The following TPR variants were observed in gnomAD, a reference collection of about 807,000 sequenced individuals.
TPR encodes the protein nucleoprotein TPR.
In TPR, 51 loss-of-function variants were observed where a neutral mutation model predicts 316.1. The observed-to-expected ratio is 0.16, with a 90% confidence interval of 0.13 to 0.20. The LOEUF (loss-of-function observed/expected upper bound fraction) is 0.20, where lower values mean the gene tolerates loss of function less well. Ranked by LOEUF, TPR falls within the 10% of genes least tolerant of loss-of-function variation. TPR has a pLI of 1.00. For synonymous variants in TPR, 981 were observed against 914.7 expected, an observed-to-expected ratio of 1.07 and a Z score of -1.31; for missense variants, 2,272 against 2,754.8, an observed-to-expected ratio of 0.82 and a Z score of 3.92.
At chr1:186,320,191 A>G in intron 46 of TPR, 121 bp downstream of exon 46, 1 of 841,846 alleles carries the variant, frequency 1.2e-6, no homozygotes, top group South Asian at 2.4e-5. Context: ...AAAATAAATT[A>G]GCAAACAATA....
chr1:186,354,340 A>G (rs939817115), intron 17 of TPR, among the ~76,000 whole-genome samples: 2 of 152,206 alleles, frequency 1.3e-5, no homozygotes, highest in Admixed American at 6.5e-5. Flanking sequence ...TGCAATATTG[A>G]TAACACCAGA....
chr1:186,338,466 G>A (rs541889647), intron 30 of TPR, among the ~76,000 whole-genome samples: 6 of 152,254 alleles, frequency 3.9e-5, no homozygotes, highest in Admixed American at 3.3e-4. Flanking sequence ...GAAAAACAGA[G>A]CTACCAATGG....
chr1:186,367,754 A>G, intron 4 of TPR, 132 bp downstream of exon 4: 1 of 535,978 alleles, frequency 1.9e-6, no homozygotes, highest in Non-Finnish European at 3.3e-6. Flanking sequence ...GAGAAATAAT[A>G]GGATATGACA....
Position 186,355,484 on chromosome 1 carries a change from T to C in TPR, c.2097A>G (p.Lys699=). 6.2e-7 allele frequency: 1 copy of C among 1,612,784 alleles called. No individual in the cohort carries two copies. The part of the protein sequence containing the change: ...NEKIQNEQLE[K]LQEQVTDLRS... ...GCAAATCTGTAACTTGTTCTTGAAGTTTCTCAAGCTGCTCATTTTGTATTT... is the reference window on the plus strand; with the variant it reads ...GCAAATCTGTAACTTGTTCTTGAAGCTTCTCAAGCTGCTCATTTTGTATTT... Residue 699 remains lysine (K), a synonymous_variant, in exon 17 of 51, where the codon AAA becomes AAG. Transcript: ENST00000367478.
intron 45 of TPR, among the ~76,000 whole-genome samples, 171 bp downstream of exon 45, chr1:186,322,147 T>C (rs1657792800): frequency 6.6e-6 from 1 of 152,218 alleles, no homozygotes; most frequent in Non-Finnish European, 1.5e-5. Context: ...CATTCACCTC[T>C]GTATAATTTT....
Position 186,373,866 on chromosome 1 carries a change from T to C in TPR, c.152-403A>G, listed in dbSNP as rs1659606480. ...AAGACTTCTTTTATAGTAGTCAAGA[T>C]ATTACCTGAAAGCATAAAACTACTA... is the stretch of plus-strand genomic sequence containing the variant. On this transcript the variant is annotated intron_variant, in intron 1 of 50. Transcript: ENST00000367478. 2.0e-5 allele frequency among the ~76,000 whole-genome samples: 3 copies of C among 152,186 alleles called. No homozygotes were observed. In the South Asian group the frequency reaches 6.2e-4, roughly 31 times the overall value.
chr1:186,357,244 C>T (rs998369622), intron 14 of TPR, 153 bp downstream of exon 14: 2 of 680,266 alleles, frequency 2.9e-6, no homozygotes, highest in Non-Finnish European at 2.5e-6. Context: ...GACATGGTCT[C>T]ACTATGTCGT....
chr1:186,331,658 A>G lies in TPR; in HGVS notation c.5605-77T>C, dbSNP rs77661411. On this transcript the variant is annotated intron_variant, in intron 38 of 50. Coordinates refer to ENST00000367478, the MANE Select transcript of TPR (RefSeq NM_003292.3). ...GTTACCTGTTTTTGTTAGTTCTCTC[A>G]TTTGAAAAAACCCTTCAAATCTATA... 10,467 of 939,942 alleles carry G rather than the reference A, an allele frequency of 0.011. 752 individuals carry two copies. The African/African-American group carries it at 0.16, about 14-fold the overall frequency. 58.2% of individuals were successfully genotyped at this position (939,942 alleles called of 1,614,324 possible). A position where few individuals can be genotyped will look rare whatever the true frequency, so the allele number is the denominator to read the frequency against.
At chr1:186,352,155 T>C (rs763096000) in intron 18 of TPR, 45 bp from the exon 19 acceptor site, 4 of 1,547,144 alleles carry the variant, frequency 2.6e-6, no homozygotes, top group Admixed American at 2.1e-5. Context: ...AAAAACATGG[T>C]GTCAAGTGTA....
In TPR at chr1:186,312,659, G is replaced by C. The variant is rs1657355223; in HGVS notation, c.*1312C>G. The C allele has an allele frequency of 3.4e-6, 4 of 1,192,742 alleles. No individual in the cohort carries two copies. Among genetic ancestry groups the C allele is most frequent in the Non-Finnish European group, 5.0e-6 (4 of 805,160 alleles). 73.9% of individuals were successfully genotyped at this position (1,192,742 alleles called of 1,614,324 possible). ...ATATACCAGTCTATAACCCTCAATA[G>C]TTCTACATCAGAGGGCTAAAACTGA... On this transcript the variant is annotated 3_prime_UTR_variant, in exon 51 of 51. Coordinates refer to ENST00000367478, the MANE Select transcript of TPR (RefSeq NM_003292.3).
chr1:186,334,665 T>A lies in TPR; in HGVS notation c.4974-132A>T, dbSNP rs1295659711. On this transcript the variant is annotated intron_variant, in intron 35 of 50. Coordinates refer to ENST00000367478, the MANE Select transcript of TPR (RefSeq NM_003292.3). ...AGAGCCTTATTAAAGCTGTTTTGAA[T>A]TTAAGCATTAAAAACTACACAGGGA... 3 of 970,826 alleles carry A rather than the reference T, an allele frequency of 3.1e-6. No homozygotes were observed. The African/African-American group carries it at 5.0e-5, about 16-fold the overall frequency. 60.1% of individuals were successfully genotyped at this position (970,826 alleles called of 1,614,324 possible). A position where few individuals can be genotyped will look rare whatever the true frequency, so the allele number is the denominator to read the frequency against.
chr1:186,374,235 T>C (rs930313085), intron 1 of TPR, among the ~76,000 whole-genome samples: 1 of 152,138 alleles, frequency 6.6e-6, no homozygotes, highest in African/African-American at 2.4e-5. Flanking sequence ...TTCAAGGATG[T>C]TCAAGCCATT....
intron 34 of TPR, 36 bp from the exon 35 acceptor site, chr1:186,335,165 C>T (rs1346237419): frequency 6.3e-6 from 10 of 1,580,994 alleles, no homozygotes; most frequent in Non-Finnish European, 8.6e-6. Flanking sequence ...TGTTCCTAGC[C>T]CACAAGAGTC....
At chr1:186,357,879 G>A (rs1320344607) in intron 13 of TPR, among the ~76,000 whole-genome samples, 1 of 151,950 alleles carries the variant, frequency 6.6e-6, no homozygotes, top group Non-Finnish European at 1.5e-5. Context: ...CCAAAACATG[G>A]CTCCAGTTTT....
In TPR at chr1:186,338,200, G is replaced by A. The variant is rs757770184; in HGVS notation, c.4195C>T (p.Leu1399=). The A allele has an allele frequency of 1.9e-6, 3 of 1,612,432 alleles. No individual in the cohort carries two copies. Among genetic ancestry groups the A allele is most frequent in the Non-Finnish European group, 2.5e-6 (3 of 1,179,394 alleles). ...CTTACTTTATTTAGATCTTCCTTCA[G>A]ACTCTGAATTAAGTTCTGGTTGTTA... The part of the protein sequence containing the change: ...LTNNQNLIQS[L]KEDLNKVRTE... Residue 1399 remains leucine (L), a synonymous_variant, in exon 31 of 51, where the codon CTG becomes TTG. Transcript: ENST00000367478.
chr1:186,361,847 A>C lies in TPR; in HGVS notation c.812T>G (p.Met271Arg), dbSNP rs1369206887. ...TAATTCATTGTGGAATTTCTCTTCCATACTGGCCTGTTGTTCCTTGGCCTG... is the reference window on the plus strand; with the variant it reads ...TAATTCATTGTGGAATTTCTCTTCCCTACTGGCCTGTTGTTCCTTGGCCTG... Reference protein sequence around the residue: ...LKEAKEQQASMEEKFHNELNA... With the variant: ...LKEAKEQQASREEKFHNELNA... Residue 271 changes from methionine to arginine, a missense_variant, in exon 8 of 51, where the codon ATG becomes AGG. Physicochemically the swap from Met to Arg is moderately conservative, Grantham distance 91 (BLOSUM62 -1). Transcript: ENST00000367478. The C allele has an allele frequency of 8.7e-6, 14 of 1,612,934 alleles. No homozygotes were observed. Among genetic ancestry groups the C allele is most frequent in the Non-Finnish European group, 1.2e-5 (14 of 1,179,268 alleles).
intron 17 of TPR, 70 bp downstream of exon 17, chr1:186,355,340 G>A: frequency 6.6e-7 from 1 of 1,507,890 alleles, no homozygotes; most frequent in Non-Finnish European, 9.0e-7. Flanking sequence ...ATTAGCTCTT[G>A]AATTTAAATG....
At position 186,357,476 on chromosome 1, in the gene TPR, G is replaced by T; in HGVS notation, c.1645C>A (p.Gln549Lys). Residue 549 changes from glutamine to lysine, a missense_variant, in exon 14 of 51, where the codon CAA becomes AAA. Coordinates refer to ENST00000367478, the MANE Select transcript of TPR (RefSeq NM_003292.3). ...AGGGCCACTAAGAGACGTTGATTTT[G>T]TTGTTGAAGCTCTTCAATATTTCTG... Reference protein sequence around the residue: ...SYRNIEELQQQNQRLLVALRE... With the variant: ...SYRNIEELQQKNQRLLVALRE... 1 of 1,613,970 alleles carries T rather than the reference G, an allele frequency of 6.2e-7. No homozygotes were observed. The highest frequency in any genetic ancestry group is 8.5e-7 in the Non-Finnish European group (1 of 1,179,970).
chr1:186,326,308 C>T (rs1657931427), intron 40 of TPR, 73 bp from the exon 41 acceptor site: 3 of 1,531,942 alleles, frequency 2.0e-6, no homozygotes, highest in African/African-American at 1.4e-5. Flanking sequence ...CTAGATACCA[C>T]ACTTAGAAAT....
Sources: allele counts gnomAD v4.1 joint callset (sites outside exome capture counted in the v4.1 genomes callset), GRCh38; gene constraint gnomAD v4.1.1; transcripts MANE v1.5; gene names NCBI Gene and HGNC (gene_info 2026-07-23, HGNC 2026-07-21).